CFAP54: variants seen among roughly 807,000 people sequenced by gnomAD.
CFAP54 encodes cilia- and flagella-associated protein 54.
In CFAP54, 290 loss-of-function variants were observed where a neutral mutation model predicts 370.4. The ratio of observed to expected loss-of-function variants is 0.78; its 90% CI spans 0.71 to 0.86. The LOEUF (loss-of-function observed/expected upper bound fraction) is 0.86, where lower values mean the gene tolerates loss of function less well. CFAP54 is among the 40% of genes least tolerant of loss of function. The pLI is 0.00. For synonymous variants in CFAP54, 1,206 were observed against 1,236.5 expected, an observed-to-expected ratio of 0.98 and a Z score of 0.52; for missense variants, 3,399 against 3,528.7, an observed-to-expected ratio of 0.96 and a Z score of 0.93.
At chr12:96,625,868 T>G in intron 29 of CFAP54, 61 bp downstream of exon 29, 1 of 1,262,530 alleles carries the variant, frequency 7.9e-7, no homozygotes, top group Non-Finnish European at 1.1e-6. Flanking sequence ...GAATTAATTC[T>G]GTGGATTTTG....
chr12:96,645,142 A>G (rs760778344), intron 33 of CFAP54: 4 of 456,662 alleles, frequency 8.8e-6, no homozygotes, highest in Admixed American at 2.3e-5. Flanking sequence ...TCAATTTTCT[A>G]TCATTAACTC....
At chr12:96,553,063 C>G (rs899059749) in intron 15 of CFAP54, among the ~76,000 whole-genome samples, 2 of 152,128 alleles carry the variant, frequency 1.3e-5, no homozygotes, top group South Asian at 4.1e-4. Flanking sequence ...TTCACAGAGG[C>G]TTCTGAGCAA....
intron 44 of CFAP54, 119 bp downstream of exon 44, chr12:96,691,429 A>G (rs1399602788): frequency 6.6e-6 from 4 of 601,532 alleles, no homozygotes; most frequent in Non-Finnish European, 1.1e-5. Flanking sequence ...TTTAAACTCT[A>G]TATATGTGGG....
intron 52 of CFAP54, 146 bp from the exon 53 acceptor site, chr12:96,743,256 T>A (rs986667024): frequency 1.3e-6 from 1 of 778,550 alleles, no homozygotes; most frequent in Admixed American, 3.2e-5. Flanking sequence ...TTTCCATGTT[T>A]CATGTAGAGT....
chr12:96,753,708 T>A lies in CFAP54; in HGVS notation c.7685-35T>A, dbSNP rs780497453. The A allele has an allele frequency of 4.4e-6, 7 of 1,600,564 alleles. No homozygotes were observed. The African/African-American group carries it at 9.4e-5, about 21-fold the overall frequency. ...GGCTTGTTATAAACACCGTGTATTT[T>A]TTTGTTCTTCCCCACCGAACTGTTT... On this transcript the variant is annotated intron_variant, in intron 55 of 67. Coordinates refer to ENST00000524981, the MANE Select transcript of CFAP54 (RefSeq NM_001306084.2).
chr12:96,722,853 T>C (rs1957774342), intron 50 of CFAP54, among the ~76,000 whole-genome samples: 1 of 152,010 alleles, frequency 6.6e-6, no homozygotes. Flanking sequence ...ATGTAAGTTG[T>C]GAGAAAAAGA....
intron 67 of CFAP54, among the ~76,000 whole-genome samples, chr12:96,863,719 G>A (rs890286231): frequency 6.6e-6 from 1 of 152,150 alleles, no homozygotes; most frequent in Non-Finnish European, 1.5e-5. Flanking sequence ...GGTCCCCCAT[G>A]TTATCAGTTA....
intron 9 of CFAP54, among the ~76,000 whole-genome samples, chr12:96,527,769 G>A (rs982467905): frequency 2.6e-5 from 4 of 151,956 alleles, no homozygotes; most frequent in Non-Finnish European, 5.9e-5. Flanking sequence ...GGGTCTCACC[G>A]TGTTTCCCAG....
chr12:96,504,939 CTCTTTCTTTCTTTTTCTT>C (rs1955075838), intron 3 of CFAP54, among the ~76,000 whole-genome samples: 2 of 150,684 alleles, frequency 1.3e-5, no homozygotes, highest in Admixed American at 6.6e-5. Flanking sequence ...TTCTTTCTTC[CTCTTTCTTTCTTTTTCTT>C]TCTTTCTTTC....
At chr12:96,612,221 G>A (rs1009877952) in intron 26 of CFAP54, among the ~76,000 whole-genome samples, 3 of 152,192 alleles carry the variant, frequency 2.0e-5, no homozygotes, top group African/African-American at 7.2e-5. Context: ...AGAAGAGAGT[G>A]GGGGCCAATA....
intron 55 of CFAP54, among the ~76,000 whole-genome samples, chr12:96,750,380 A>G (rs10860087): frequency 0.38 from 57,130 of 152,136 alleles, 11,792 homozygotes; most frequent in East Asian, 0.68. Context: ...CAAGCTATCA[A>G]CTGTGCAGAA....
At chr12:96,510,109 C>T (rs1259434050) in intron 4 of CFAP54, among the ~76,000 whole-genome samples, 3 of 151,716 alleles carry the variant, frequency 2.0e-5, no homozygotes, top group East Asian at 1.9e-4. Context: ...AAAAATTGGC[C>T]GGGTGTGGTG....
chr12:96,733,546 T>C (rs573307169), intron 50 of CFAP54, among the ~76,000 whole-genome samples: 145 of 121,764 alleles, frequency 1.2e-3, no homozygotes, highest in Middle Eastern at 0.012. Context: ...CTGTGGGTTT[T>C]TTTTTTTTTT....
chr12:96,518,125 C>T (rs985236496), intron 5 of CFAP54, among the ~76,000 whole-genome samples: 15 of 152,070 alleles, frequency 9.9e-5, no homozygotes, highest in African/African-American at 3.4e-4. Context: ...AAAATTGAGG[C>T]GTAAAGAGGT....
Position 96,716,024 on chromosome 12 carries a change from G to T in CFAP54, c.6725-2419G>T, listed in dbSNP as rs1490671133. ...TTTTTCTCTCGTGCTTTTCCCTTCA[G>T]CAGGTGACATCACCTCACTTCACAT... On this transcript the variant is annotated intron_variant, in intron 48 of 67. Coordinates refer to ENST00000524981, the MANE Select transcript of CFAP54 (RefSeq NM_001306084.2). Among the ~76,000 whole-genome samples, 4 of 152,094 alleles carry T rather than the reference G, an allele frequency of 2.6e-5. No individual in the cohort carries two copies. In the East Asian group the frequency reaches 7.7e-4, roughly 29 times the overall value.
chr12:96,760,743 C>G (rs913346854), intron 58 of CFAP54, among the ~76,000 whole-genome samples: 10 of 152,178 alleles, frequency 6.6e-5, no homozygotes, highest in African/African-American at 2.4e-4. Flanking sequence ...TTCTTTCACC[C>G]AGTATAATGT....
chr12:96,870,684 G>A (rs1960136423), intron 67 of CFAP54, among the ~76,000 whole-genome samples: 1 of 152,072 alleles, frequency 6.6e-6, no homozygotes, highest in African/African-American at 2.4e-5. Context: ...GTTTTGGTTT[G>A]GTTTGGTTTT....
chr12:96,868,084 C>T (rs1485219531), intron 67 of CFAP54, among the ~76,000 whole-genome samples: 2 of 152,028 alleles, frequency 1.3e-5, no homozygotes, highest in East Asian at 1.9e-4. Context: ...GTCTTCATTC[C>T]GGACTCAACC....
chr12:96,540,213 C>T (rs956088277), intron 13 of CFAP54: 2 of 152,264 alleles, frequency 1.3e-5, no homozygotes, highest in Non-Finnish European at 2.9e-5. Flanking sequence ...AGCGATTCTC[C>T]TGCCTCAGGC....
Sources: allele counts gnomAD v4.1 joint callset (sites outside exome capture counted in the v4.1 genomes callset), GRCh38; gene constraint gnomAD v4.1.1; transcripts MANE v1.5; gene names NCBI Gene and HGNC (gene_info 2026-07-23, HGNC 2026-07-21).